ASTN1: variants seen among roughly 807,000 people sequenced by gnomAD.
The protein encoded by ASTN1 is astrotactin-1.
In ASTN1, 41 loss-of-function variants were observed where a neutral mutation model predicts 140.7. That is an observed-to-expected ratio of 0.29 (90% confidence interval 0.23 to 0.38). The LOEUF (loss-of-function observed/expected upper bound fraction) is 0.38, where lower values mean the gene tolerates loss of function less well. Ranked by LOEUF, ASTN1 falls within the 10% of genes least tolerant of loss-of-function variation. The pLI, the probability that ASTN1 is intolerant of heterozygous loss-of-function variation, is 1.00. For missense variants in ASTN1, 1,479 were observed against 1,678.8 expected (o/e 0.88, Z 2.08); for synonymous variants, 640 against 652.2 (o/e 0.98, Z 0.29).
intron 1 of ASTN1, among the ~76,000 whole-genome samples, chr1:177,084,479 C>T (rs1403096964): frequency 6.6e-6 from 1 of 152,196 alleles, no homozygotes; most frequent in Non-Finnish European, 1.5e-5. Context: ...CCTATTATCC[C>T]AATCCAGATC....
At chr1:177,025,453 T>C (rs747121391) in intron 5 of ASTN1, among the ~76,000 whole-genome samples, 3 of 152,072 alleles carry the variant, frequency 2.0e-5, no homozygotes, top group African/African-American at 4.8e-5. Flanking sequence ...TGTTATTTTT[T>C]TTTAATTTTT....
intron 1 of ASTN1, among the ~76,000 whole-genome samples, chr1:177,094,533 A>G (rs1679929080): frequency 6.6e-6 from 1 of 152,134 alleles, no homozygotes; most frequent in Admixed American, 6.6e-5. Flanking sequence ...CCATCTTTGA[A>G]CCAACTTACC....
At chr1:176,944,617 T>G (rs963845549) in intron 13 of ASTN1, among the ~76,000 whole-genome samples, 2 of 152,184 alleles carry the variant, frequency 1.3e-5, no homozygotes, top group Non-Finnish European at 2.9e-5. Context: ...TGAACCCCAC[T>G]GTAAATACAT....
At chr1:176,969,341 G>T (rs562015294) in intron 8 of ASTN1, among the ~76,000 whole-genome samples, 3 of 152,126 alleles carry the variant, frequency 2.0e-5, no homozygotes, top group Non-Finnish European at 4.4e-5. Flanking sequence ...GCCCCTAGCC[G>T]TATGGGCCAC....
intron 8 of ASTN1, among the ~76,000 whole-genome samples, chr1:177,007,419 T>C (rs2101925243): frequency 6.6e-6 from 1 of 152,148 alleles, no homozygotes; most frequent in Non-Finnish European, 1.5e-5. Flanking sequence ...AATGCAAGGA[T>C]CTTTAAAGCT....
In ASTN1 at chr1:176,876,570, G is replaced by C; in HGVS notation, c.3430C>G (p.Pro1144Ala). 1 of 1,614,148 alleles carries C rather than the reference G, an allele frequency of 6.2e-7. No individual in the cohort carries two copies. ...TTGACATCATCCACCACGGGGCATG[G>C]GGTCTTCACGATCACGTCGCTTGGC... ...SRPSDVIVKT[P>A]CPVVDDVKAQ... The change falls in exon 21 of 23, where the codon CCA becomes GCA. Residue 1144 changes from proline (P) to alanine (A), a missense_variant. Transcript: ENST00000361833.
chr1:176,873,552 G>T (rs1242623905), intron 21 of ASTN1, among the ~76,000 whole-genome samples: 1 of 152,084 alleles, frequency 6.6e-6, no homozygotes, highest in Non-Finnish European at 1.5e-5. Flanking sequence ...ATTTGTTATT[G>T]GATTTAAACT....
intron 8 of ASTN1, among the ~76,000 whole-genome samples, chr1:176,990,872 C>T (rs751495714): frequency 2.0e-5 from 3 of 152,152 alleles, no homozygotes; most frequent in Non-Finnish European, 4.4e-5. Flanking sequence ...CACTTCCTGG[C>T]TATATTCTCT....
At chr1:176,998,960 C>T (rs1674590173) in intron 8 of ASTN1, among the ~76,000 whole-genome samples, 1 of 152,200 alleles carries the variant, frequency 6.6e-6, no homozygotes, top group Non-Finnish European at 1.5e-5. Context: ...AGGGGATAGC[C>T]TCACATAGTT....
At chr1:177,031,039 T>C (rs1051019306) in intron 3 of ASTN1, 87 bp from the exon 4 acceptor site, 2 of 1,406,648 alleles carry the variant, frequency 1.4e-6, no homozygotes, top group Admixed American at 2.1e-5. Flanking sequence ...ACCAAGAAGA[T>C]AAGGTCTCAC....
chr1:176,953,840 G>T (rs1306195302), intron 11 of ASTN1, among the ~76,000 whole-genome samples: 1 of 152,166 alleles, frequency 6.6e-6, no homozygotes, highest in Non-Finnish European at 1.5e-5. Flanking sequence ...GGCACAGGCT[G>T]CTCACCTGTG....
chr1:176,894,765 A>G lies in ASTN1; in HGVS notation c.2737T>C (p.Tyr913His), dbSNP rs764289917. The G allele has an allele frequency of 6.2e-7, 1 of 1,614,180 alleles. No homozygotes were observed. Among genetic ancestry groups the G allele is most frequent in the South Asian group, 1.1e-5 (1 of 91,086 alleles). ...RDPKVLTFPE[Y>H]ITSLSDSGTK... ...CCGGAGTCTGACAAGCTGGTGATGT[A>G]TTCTGGGAATGTCAGCACCTTGGGG... The change falls in exon 17 of 23, where the codon TAC becomes CAC. Residue 913 changes from tyrosine to histidine, a missense_variant. Coordinates refer to ENST00000361833, the MANE Select transcript of ASTN1 (RefSeq NM_004319.3).
At chr1:176,971,927 T>C (rs1455276689) in intron 8 of ASTN1, among the ~76,000 whole-genome samples, 1 of 152,188 alleles carries the variant, frequency 6.6e-6, no homozygotes, top group Non-Finnish European at 1.5e-5. Flanking sequence ...ATGATGAGGA[T>C]ACATTCTGAG....
intron 1 of ASTN1, among the ~76,000 whole-genome samples, chr1:177,068,060 T>G (rs1678453342): frequency 6.6e-6 from 1 of 152,134 alleles, no homozygotes. Flanking sequence ...ACATTGATGG[T>G]TTGCCTGAAG....
At chr1:177,080,163 G>A (rs980352204) in intron 1 of ASTN1, among the ~76,000 whole-genome samples, 16 of 147,506 alleles carry the variant, frequency 1.1e-4, no homozygotes, top group Admixed American at 6.9e-5. Flanking sequence ...AATTGGGAAC[G>A]TAAGATGTTC....
At position 176,924,928 on chromosome 1, in the gene ASTN1, G is replaced by GCA. The variant is rs895284599; in HGVS notation, c.2671+9222_2671+9223dup. On this transcript the variant is annotated intron_variant, in intron 16 of 22. Coordinates refer to ENST00000361833, the MANE Select transcript of ASTN1 (RefSeq NM_004319.3). ...GGTCCTCATCTGAATACTGTTTTAAGCAACCTAGACAGAGCTTTCCTGAGA... is the reference window on the plus strand; with the variant it reads ...GGTCCTCATCTGAATACTGTTTTAAGCACAACCTAGACAGAGCTTTCCTGAGA... 3.2e-4 allele frequency among the ~76,000 whole-genome samples: 48 copies of GCA among 152,102 alleles called. 1 individual carries two copies. The highest frequency in any genetic ancestry group is 2.6e-3 in the Admixed American group (39 of 15,266).
intron 1 of ASTN1, among the ~76,000 whole-genome samples, chr1:177,120,517 G>A (rs1450554124): frequency 6.6e-6 from 1 of 152,128 alleles, no homozygotes; most frequent in Non-Finnish European, 1.5e-5. Context: ...CCTTCCTAAG[G>A]CTAGTTCCCA....
chr1:176,956,382 A>C (rs1672401086), intron 11 of ASTN1, among the ~76,000 whole-genome samples: 1 of 152,152 alleles, frequency 6.6e-6, no homozygotes, highest in South Asian at 2.1e-4. Flanking sequence ...TACCAGGCAC[A>C]TATCCGTCTT....
In ASTN1 at chr1:177,146,928, C is replaced by A. The variant is rs538224774; in HGVS notation, c.283+17466G>T. Reference sequence around the variant, plus strand: ...CAGCAAAAGTGCTTTCTGTGTGTACCCCCCATTTTTTCACTTGGAATATTA... The same window carrying A: ...CAGCAAAAGTGCTTTCTGTGTGTACACCCCATTTTTTCACTTGGAATATTA... On this transcript the variant is annotated intron_variant, in intron 1 of 22. Transcript: ENST00000361833. 3.9e-5 allele frequency among the ~76,000 whole-genome samples: 6 copies of A among 151,996 alleles called. No homozygotes were observed. The East Asian group carries it at 1.2e-3, about 29-fold the overall frequency.
Sources: allele counts gnomAD v4.1 joint callset (sites outside exome capture counted in the v4.1 genomes callset), GRCh38; gene constraint gnomAD v4.1.1; transcripts MANE v1.5; gene names NCBI Gene and HGNC (gene_info 2026-07-23, HGNC 2026-07-21).